The following ACADL variants were observed in gnomAD, a reference collection of about 807,000 sequenced individuals.
The protein encoded by ACADL is acyl-CoA dehydrogenase long chain, also known as long-chain specific acyl-CoA dehydrogenase, mitochondrial.
ACADL carries 60 observed loss-of-function variants against 56.9 expected under a neutral mutation model. The observed-to-expected ratio is 1.05, with a 90% CI of 0.86 to 1.31. ACADL has a LOEUF of 1.31. Among genes scored for constraint, ACADL ranks in the 50% most tolerant of loss-of-function variants. The pLI, the probability that ACADL is intolerant of heterozygous loss-of-function variation, is 0.00. For synonymous variants in ACADL, 158 were observed against 179.7 expected (o/e 0.88, Z 0.97); for missense variants, 484 against 525.5 (o/e 0.92, Z 0.77).
chr2:210,201,874 C>T (rs913979902), intron 8 of ACADL, among the ~76,000 whole-genome samples: 4 of 152,168 alleles, frequency 2.6e-5, no homozygotes, highest in Admixed American at 1.3e-4. Context: ...TGGGAAAACT[C>T]AATCCTAGGT....
At chr2:210,222,896 A>C (rs1190743976) in intron 1 of ACADL, among the ~76,000 whole-genome samples, 5 of 152,324 alleles carry the variant, frequency 3.3e-5, no homozygotes, top group African/African-American at 9.6e-5. Flanking sequence ...GTAGAGATAA[A>C]ATTATAAAGC....
chr2:210,206,653 C>T (rs1162950684), intron 5 of ACADL, among the ~76,000 whole-genome samples: 2 of 152,074 alleles, frequency 1.3e-5, no homozygotes, highest in South Asian at 2.1e-4. Context: ...GATATTGATA[C>T]AGAAAACAGT....
rs1030776920 is a variant in ACADL, at chr2:210,192,857, G to C, written c.1146C>G (p.Asp382Glu). 1.2e-6 allele frequency: 2 copies of C among 1,613,678 alleles called. No homozygotes were observed. The highest frequency in any genetic ancestry group is 2.7e-5 in the African/African-American group (2 of 74,894). ...CCCAACCTCCATGGAGCTGTACACA[G>C]TCGTAAGCTACACTATTTTGTAACT... Reference protein sequence around the residue: ...ASELQNSVAYDCVQLHGGWGY... With the variant: ...ASELQNSVAYECVQLHGGWGY... The change falls in exon 10 of 11, where the codon GAC becomes GAG. Residue 382 changes from aspartate (D) to glutamate (E), a missense_variant. Transcript: ENST00000233710.
At chr2:210,224,327 G>GTCT (rs1182503208) in intron 1 of ACADL, 1 of 909,746 alleles carries the variant, frequency 1.1e-6, no homozygotes, top group Non-Finnish European at 1.3e-6. Context: ...TCTCAGTGAC[G>GTCT]TCTTCCCAAA....
rs1181114803 is a variant in ACADL, at chr2:210,210,892, G to A, written c.537-630C>T. ...GCCTGAGAGGTTGAAGCTGCAGTGA[G>A]GCATGATCAGGCCACTGCACTCTAG... On this transcript the variant is annotated intron_variant, in intron 4 of 10. Transcript: ENST00000233710. 3.9e-5 allele frequency among the ~76,000 whole-genome samples: 6 copies of A among 152,186 alleles called. No individual in the cohort carries two copies. In the East Asian group the frequency reaches 1.2e-3, roughly 29 times the overall value.
At position 210,225,208 on chromosome 2, in the gene ACADL, G is replaced by T. The variant is rs770502837; in HGVS notation, c.56C>A (p.Pro19Gln). The T allele has an allele frequency of 4.6e-5, 71 of 1,540,850 alleles. No homozygotes were observed. The highest frequency in any genetic ancestry group is 5.9e-5 in the Non-Finnish European group (68 of 1,149,264). Residue 19 changes from proline (P) to glutamine (Q), a missense_variant, in exon 1 of 11, where the codon CCG (proline) becomes CAG (glutamine). By Grantham distance (76) the Pro-to-Gln change is moderately conservative (BLOSUM62 -1). Transcript: ENST00000233710. ...SLRVLGGHRA[P>Q]RQLPAARCSH... ...TCACCGCGCGGCGGGCAGCTGGCGC[G>T]GCGCACGGTGGCCGCCCAGGACGCG...
Position 210,210,271 on chromosome 2 carries a change from G to A in ACADL, c.537-9C>T. 6.3e-7 allele frequency: 1 copy of A among 1,585,040 alleles called. No individual in the cohort carries two copies. The highest frequency in any genetic ancestry group is 8.7e-7 in the Non-Finnish European group (1 of 1,155,352). On this transcript the variant is annotated splice_polypyrimidine_tract_variant and intron_variant, in intron 4 of 10. Coordinates refer to ENST00000233710, the MANE Select transcript of ACADL (RefSeq NM_001608.4). ...TTATTCCCTGTAAGTCACTGTAATTGAAAGAAAAGATAAAAAATTCATCAA... is the reference window on the plus strand; with the variant it reads ...TTATTCCCTGTAAGTCACTGTAATTAAAAGAAAAGATAAAAAATTCATCAA...
At chr2:210,222,716 A>G (rs1266509651) in intron 1 of ACADL, among the ~76,000 whole-genome samples, 2 of 152,174 alleles carry the variant, frequency 1.3e-5, no homozygotes, top group Non-Finnish European at 2.9e-5. Context: ...CAAGGAGGCA[A>G]TTGTAGCCAG....
At chr2:210,206,509 C>T (rs1398452540) in intron 5 of ACADL, among the ~76,000 whole-genome samples, 1 of 151,900 alleles carries the variant, frequency 6.6e-6, no homozygotes, top group Non-Finnish European at 1.5e-5. Flanking sequence ...TATTTATTCT[C>T]AGATTTATCA....
At chr2:210,224,969 G>A in intron 1 of ACADL, 3 of 1,379,806 alleles carry the variant, frequency 2.2e-6, no homozygotes, top group Non-Finnish European at 1.9e-6. Context: ...TGTTCTCGGG[G>A]CGGCACGGCT....
chr2:210,202,082 T>G (rs1209446267), intron 8 of ACADL, among the ~76,000 whole-genome samples: 2 of 152,100 alleles, frequency 1.3e-5, no homozygotes, highest in African/African-American at 2.4e-5. Context: ...TCTATTGTTA[T>G]TTATTTATTT....
At position 210,224,239 on chromosome 2, in the gene ACADL, A is replaced by AAG. The variant is rs71043982; in HGVS notation, c.77+947_77+948insCT. On this transcript the variant is annotated intron_variant, in intron 1 of 10. Coordinates refer to ENST00000233710, the MANE Select transcript of ACADL (RefSeq NM_001608.4). ...GACTCTGTCTCAAAAAAAAAAAAAA[A>AAG]AAAAAAAAAGTTTGAGGATCACTGT... 3 of 244,016 alleles carry AAG rather than the reference A, an allele frequency of 1.2e-5. No homozygotes were observed. The East Asian group carries it at 5.4e-4, about 44-fold the overall frequency. The allele number at this position is 244,016 out of a possible 1,614,324, so 15.1% of individuals were successfully genotyped here.
In ACADL at chr2:210,225,254, G is replaced by T. The variant is rs1309718579; in HGVS notation, c.10C>A (p.Arg4Ser). MAA[R>S]LLRGSLRVLG... is the part of the protein sequence containing the mutation. ...ACGCGTAGGGACCCTCGGAGAAGGC[G>T]TGCGGCCATGTCCGAAACACAGGGG... Residue 4 changes from arginine to serine, a missense_variant, in exon 1 of 11, where the codon CGC becomes AGC. Physicochemically the swap from Arg to Ser is moderately radical, Grantham distance 110 (BLOSUM62 -1). Coordinates refer to ENST00000233710, the MANE Select transcript of ACADL (RefSeq NM_001608.4). The T allele has an allele frequency of 6.4e-7, 1 of 1,557,240 alleles. No homozygotes were observed. The highest frequency in any genetic ancestry group is 8.6e-7 in the Non-Finnish European group (1 of 1,157,452).
At chr2:210,190,481 A>G (rs924554864) in intron 10 of ACADL, among the ~76,000 whole-genome samples, 1 of 152,178 alleles carries the variant, frequency 6.6e-6, no homozygotes, top group Non-Finnish European at 1.5e-5. Context: ...GACCTTTTAT[A>G]TGTTACTAAT....
At chr2:210,206,620 C>G (rs980250032) in intron 5 of ACADL, among the ~76,000 whole-genome samples, 1 of 151,964 alleles carries the variant, frequency 6.6e-6, no homozygotes, top group African/African-American at 2.4e-5. Flanking sequence ...AAATGACAAG[C>G]CAAATGAGAG....
chr2:210,224,394 C>T (rs928596108), intron 1 of ACADL: 20 of 985,114 alleles, frequency 2.0e-5, no homozygotes, highest in Admixed American at 6.2e-5. Context: ...ATTAGAGTAG[C>T]TTACACCAAT....
At position 210,205,654 on chromosome 2, in the gene ACADL, TGTAGCTTTC is replaced by T; in HGVS notation, c.737_745del (p.Arg246_Leu248del). ...CACCTGGGCTTTTAATCCCATTTTA[TGTAGCTTTC>T]GTCCCTTGATAAATCCTTTCATTCC... On this transcript the variant is annotated inframe_deletion, in exon 6 of 11. Transcript: ENST00000233710. 1 of 1,613,968 alleles carries T rather than the reference TGTAGCTTTC, an allele frequency of 6.2e-7. No homozygotes were observed. Among genetic ancestry groups the T allele is most frequent in the South Asian group, 1.1e-5 (1 of 91,082 alleles).
intron 1 of ACADL, chr2:210,224,681 AT>A (rs1484030129): frequency 2.0e-6 from 2 of 986,156 alleles, no homozygotes; most frequent in Non-Finnish European, 1.2e-6. Context: ...GTCCTGGACA[AT>A]TCTGGTCCGC....
intron 8 of ACADL, among the ~76,000 whole-genome samples, chr2:210,197,448 T>C (rs1191579474): frequency 1.3e-5 from 2 of 151,712 alleles, no homozygotes; most frequent in African/African-American, 4.8e-5. Context: ...AGTTTCCCAC[T>C]CCCAACCCAC....
Sources: gnomAD v4.1 joint callset for allele counts (sites outside exome capture counted in the v4.1 genomes callset) on GRCh38, gnomAD v4.1.1 for gene constraint, MANE v1.5 for transcripts, NCBI Gene and HGNC (gene_info 2026-07-23, HGNC 2026-07-21) for gene names.